VSTM4: variants seen among roughly 807,000 people sequenced by gnomAD.
VSTM4 encodes V-set and transmembrane domain containing 4, also known as V-set and transmembrane domain-containing protein 4.
A neutral mutation model predicts 36.4 loss-of-function variants in VSTM4; 20 were observed. That is an observed-to-expected ratio of 0.55 (90% CI 0.39 to 0.80). The LOEUF (loss-of-function observed/expected upper bound fraction) is 0.80. Among genes scored for constraint, VSTM4 ranks in the 30% least tolerant of loss-of-function variants. The pLI, the probability that VSTM4 is intolerant of heterozygous loss-of-function variation, is 0.00. For synonymous variants in VSTM4, 182 were observed against 173.9 expected (o/e 1.05, Z -0.37); for missense variants, 392 against 404.5 (o/e 0.97, Z 0.26).
At chr10:49,048,691 T>C in intron 5 of VSTM4, 107 bp from the exon 6 acceptor site, 2 of 850,874 alleles carry the variant, frequency 2.4e-6, no homozygotes, top group Non-Finnish European at 3.6e-6. Flanking sequence ...GTGCTCCCTG[T>C]GTACCTGTGT....
intron 7 of VSTM4, among the ~76,000 whole-genome samples, chr10:49,036,407 C>G (rs1033936489): frequency 6.6e-6 from 1 of 152,102 alleles, no homozygotes; most frequent in South Asian, 2.1e-4. Flanking sequence ...GTGGTTGTGG[C>G]TTTTTTTCTT....
intron 3 of VSTM4, among the ~76,000 whole-genome samples, chr10:49,083,147 G>A (rs1467977580): frequency 6.6e-6 from 1 of 152,196 alleles, no homozygotes; most frequent in African/African-American, 2.4e-5. Flanking sequence ...ACATTTCCAG[G>A]GCAAATGGAA....
chr10:49,084,035 T>A (rs1844327006), intron 3 of VSTM4, among the ~76,000 whole-genome samples: 1 of 152,132 alleles, frequency 6.6e-6, no homozygotes, highest in African/African-American at 2.4e-5. Flanking sequence ...CCTCTCCATA[T>A]CCCAACCCAT....
chr10:49,023,842 G>C (rs974270235), intron 7 of VSTM4, among the ~76,000 whole-genome samples: 10 of 152,190 alleles, frequency 6.6e-5, no homozygotes, highest in African/African-American at 2.4e-4. Flanking sequence ...CAGGATAGAA[G>C]CTTCAACAGT....
Position 49,015,042 on chromosome 10 carries a change from A to G in VSTM4, c.*4608T>C, listed in dbSNP as rs961612943. 1.1e-4 allele frequency: 17 copies of G among 152,186 alleles called. No homozygotes were observed. Among genetic ancestry groups the G allele is most frequent in the African/African-American group, 3.1e-4 (13 of 41,408 alleles). 9.4% of individuals were successfully genotyped at this position (152,186 alleles called of 1,614,324 possible). ...CTCAAAGTGTGGTTCAGGGACCAGA[A>G]GCATGGACATCCCTGGGAGCTTGTT... On this transcript the variant is annotated 3_prime_UTR_variant, in exon 8 of 8. Coordinates refer to ENST00000332853, the MANE Select transcript of VSTM4 (RefSeq NM_001031746.5).
At chr10:49,087,988 ATG>A (rs997635047) in intron 2 of VSTM4, among the ~76,000 whole-genome samples, 2 of 132,260 alleles carry the variant, frequency 1.5e-5, no homozygotes, top group African/African-American at 7.8e-5. Context: ...TGTAATATAT[ATG>A]TGTATATACA....
intron 2 of VSTM4, among the ~76,000 whole-genome samples, chr10:49,092,811 C>T (rs1337131523): frequency 1.3e-5 from 2 of 152,162 alleles, no homozygotes; most frequent in African/African-American, 2.4e-5. Context: ...CGGAAGAAGA[C>T]GCAAGCGGCT....
At chr10:49,047,239 T>C (rs953535764) in intron 6 of VSTM4, among the ~76,000 whole-genome samples, 195 bp from the exon 7 acceptor site, 3 of 152,110 alleles carry the variant, frequency 2.0e-5, no homozygotes, top group African/African-American at 4.8e-5. Context: ...CGTTTTGTCG[T>C]CTCCCTCAGC....
intron 7 of VSTM4, among the ~76,000 whole-genome samples, chr10:49,033,853 C>A (rs891032560): frequency 2.0e-5 from 3 of 152,112 alleles, no homozygotes; most frequent in Non-Finnish European, 2.9e-5. Context: ...TGGGAAGTGC[C>A]ATGGAAGGGT....
chr10:49,088,867 G>A lies in VSTM4; in HGVS notation c.458-2844C>T, dbSNP rs141687276. Among the ~76,000 whole-genome samples, 39 of 152,288 alleles carry A rather than the reference G, an allele frequency of 2.6e-4. No individual in the cohort carries two copies. In the Middle Eastern group the frequency reaches 0.01, roughly 40 times the overall value. Reference sequence around the variant, plus strand: ...GGAGCTTGGTTTCCAGGAGGCCAAGGATACCCATCATGGTGTGGACCCTTA... The same window carrying A: ...GGAGCTTGGTTTCCAGGAGGCCAAGAATACCCATCATGGTGTGGACCCTTA... On this transcript the variant is annotated intron_variant, in intron 2 of 7. Transcript: ENST00000332853.
intron 1 of VSTM4, among the ~76,000 whole-genome samples, chr10:49,115,007 G>A (rs369049807): frequency 3.3e-5 from 5 of 152,258 alleles, no homozygotes; most frequent in East Asian, 1.9e-4. Flanking sequence ...CTTGTCTTCG[G>A]AGTAACTCTC....
intron 1 of VSTM4, among the ~76,000 whole-genome samples, chr10:49,113,427 C>A (rs1213907953): frequency 6.6e-6 from 1 of 152,184 alleles, no homozygotes; most frequent in Admixed American, 6.5e-5. Flanking sequence ...CTGCCGGGTA[C>A]AAACTCTATG....
chr10:49,033,294 C>G (rs1432910678), intron 7 of VSTM4, among the ~76,000 whole-genome samples: 1 of 152,200 alleles, frequency 6.6e-6, no homozygotes, highest in Non-Finnish European at 1.5e-5. Context: ...CCTGTGAACA[C>G]TGTGTAAAGA....
intron 1 of VSTM4, among the ~76,000 whole-genome samples, chr10:49,112,932 A>T (rs1010160513): frequency 6.6e-6 from 1 of 152,222 alleles, no homozygotes; most frequent in African/African-American, 2.4e-5. Flanking sequence ...GCTGAATAGA[A>T]CAACCTACTC....
chr10:49,051,724 T>A (rs539611112), intron 5 of VSTM4, among the ~76,000 whole-genome samples: 68 of 152,268 alleles, frequency 4.5e-4, no homozygotes, highest in Non-Finnish European at 9.4e-4. Flanking sequence ...GGGCACTGAG[T>A]AATATTCTGT....
At chr10:49,092,167 C>T (rs1213028637) in intron 2 of VSTM4, among the ~76,000 whole-genome samples, 1 of 152,166 alleles carries the variant, frequency 6.6e-6, no homozygotes, top group Non-Finnish European at 1.5e-5. Context: ...TTAAACTTTA[C>T]TGTGCAGAAG....
At chr10:49,062,862 C>T (rs1459154263) in intron 5 of VSTM4, among the ~76,000 whole-genome samples, 1 of 152,130 alleles carries the variant, frequency 6.6e-6, no homozygotes, top group Non-Finnish European at 1.5e-5. Context: ...ACAAACTATC[C>T]ACTGACATCT....
chr10:49,078,189 G>A (rs1844213773), intron 3 of VSTM4, among the ~76,000 whole-genome samples: 1 of 152,198 alleles, frequency 6.6e-6, no homozygotes, highest in Non-Finnish European at 1.5e-5. Flanking sequence ...CAGATAAACT[G>A]GGTCACTCAG....
At chr10:49,031,660 TAA>T (rs1286127684) in intron 7 of VSTM4, among the ~76,000 whole-genome samples, 1 of 152,230 alleles carries the variant, frequency 6.6e-6, no homozygotes, top group Non-Finnish European at 1.5e-5. Flanking sequence ...ACAATCCTTC[TAA>T]ATAATAAGTC....
Sources: gnomAD v4.1 joint callset for allele counts (sites outside exome capture counted in the v4.1 genomes callset) on GRCh38, gnomAD v4.1.1 for gene constraint, MANE v1.5 for transcripts, NCBI Gene and HGNC (gene_info 2026-07-23, HGNC 2026-07-21) for gene names.